POLR1A: variants seen among roughly 807,000 people sequenced by gnomAD.
POLR1A encodes the protein RNA polymerase I subunit A.
A neutral mutation model predicts 205.3 loss-of-function variants in POLR1A; 84 were observed. That is an observed-to-expected ratio of 0.41 (90% CI 0.34 to 0.49). The LOEUF is 0.49. Among genes scored for constraint, POLR1A ranks in the 20% least tolerant of loss-of-function variants. The probability of loss-of-function intolerance (pLI) is 0.22; values close to 1 mark genes in which losing one functional copy is unlikely to be tolerated. For missense variants in POLR1A, 1,645 were observed against 2,204.5 expected (o/e 0.75, Z 5.08); for synonymous variants, 799 against 863.7 (o/e 0.93, Z 1.31).
chr2:86,056,378 G>A (rs1245245064), intron 14 of POLR1A, among the ~76,000 whole-genome samples: 2 of 151,924 alleles, frequency 1.3e-5, no homozygotes, highest in African/African-American at 4.8e-5. Context: ...CTTTAACCAG[G>A]GAATTGGAGG....
intron 6 of POLR1A, among the ~76,000 whole-genome samples, chr2:86,084,341 T>A (rs1233043474): frequency 6.6e-6 from 1 of 151,420 alleles, no homozygotes; most frequent in African/African-American, 2.4e-5. Context: ...CGCTTGAACC[T>A]GAGAGGCAGA....
intron 14 of POLR1A, among the ~76,000 whole-genome samples, chr2:86,061,129 T>C (rs1309538382): frequency 6.6e-6 from 1 of 152,032 alleles, no homozygotes; most frequent in African/African-American, 2.4e-5. Flanking sequence ...CAGCTAAAAT[T>C]AAACAAATAA....
Position 86,038,741 on chromosome 2 carries a change from C to T in POLR1A, c.3993G>A (p.Lys1331=), listed in dbSNP as rs368460389. The change falls in exon 27 of 34, where the codon AAG becomes AAA. Residue 1331 remains lysine (K), a synonymous_variant. Coordinates refer to ENST00000263857, the MANE Select transcript of POLR1A (RefSeq NM_015425.6). The part of the protein sequence containing the change: ...FLPHAYYQQE[K]CLRPEDILRF... The stretch of plus-strand genomic sequence containing the variant: ...GCAGGATGTCCTCGGGTCTCAGGCA[C>T]TTCTCCTGCTGGTAATATGCATGTG... 5.3e-5 allele frequency: 86 copies of T among 1,613,986 alleles called. No homozygotes were observed. Among genetic ancestry groups the T allele is most frequent in the Non-Finnish European group, 7.0e-5 (83 of 1,180,008 alleles).
At position 86,020,397 on chromosome 2, in the gene POLR1A, A is replaced by G. The variant is rs1310165763; in HGVS notation, c.*7026T>C. 6.6e-6 allele frequency: 1 copy of G among 152,018 alleles called. No individual in the cohort carries two copies. The highest frequency in any genetic ancestry group is 1.9e-4 in the East Asian group (1 of 5,200). The allele number at this position is 152,018 out of a possible 1,614,324, so 9.4% of individuals were successfully genotyped here. A position where few individuals can be genotyped will look rare whatever the true frequency, so the allele number is the denominator to read the frequency against. ...CCCCGTCTCTACAAAAAAATTAAAA[A>G]ATTAGCTGGGCATGGTGTTGTGTGC... On this transcript the variant is annotated 3_prime_UTR_variant, in exon 34 of 34. Coordinates refer to ENST00000263857, the MANE Select transcript of POLR1A (RefSeq NM_015425.6).
intron 6 of POLR1A, 136 bp downstream of exon 6, chr2:86,088,429 GC>G: frequency 4.8e-6 from 3 of 624,920 alleles, no homozygotes; most frequent in East Asian, 5.4e-5. Context: ...GGCCTGAGAG[GC>G]CTGCACACTG....
intron 16 of POLR1A, among the ~76,000 whole-genome samples, chr2:86,051,947 C>T (rs1048298515): frequency 4.6e-5 from 7 of 152,212 alleles, no homozygotes; most frequent in Admixed American, 1.3e-4. Context: ...ATGGCCCCAC[C>T]GCAGTGGGAA....
At chr2:86,054,865 G>A (rs756622956) in intron 14 of POLR1A, among the ~76,000 whole-genome samples, 5 of 152,204 alleles carry the variant, frequency 3.3e-5, no homozygotes, top group Non-Finnish European at 5.9e-5. Context: ...CAGAAGGGCC[G>A]AATGCAGGTG....
At chr2:86,046,274 A>AAAAAC (rs1056700046) in intron 19 of POLR1A, among the ~76,000 whole-genome samples, 222 of 152,152 alleles carry the variant, frequency 1.5e-3, no homozygotes, top group African/African-American at 4.5e-3. Flanking sequence ...ATTTTCAATT[A>AAAAAC]AAAACAAAAC....
chr2:86,027,971 C>T lies in POLR1A; in HGVS notation c.4976G>A (p.Arg1659His), dbSNP rs934418773. The change falls in exon 33 of 34, where the codon CGC becomes CAC. Residue 1659 changes from arginine to histidine, a missense_variant. Physicochemically the swap from Arg to His is conservative, Grantham distance 29 (BLOSUM62 0). Coordinates refer to ENST00000263857, the MANE Select transcript of POLR1A (RefSeq NM_015425.6). ...GGAAGAGTTTGACCGGATCCCAAAG[C>T]GATTCAGTGGCTTGTAAACACCCTC... is the stretch of plus-strand genomic sequence containing the variant. ...CFEGVYKPLN[R>H]FGIRSNSSPL... 3 of 1,614,200 alleles carry T rather than the reference C, an allele frequency of 1.9e-6. No individual in the cohort carries two copies. Among genetic ancestry groups the T allele is most frequent in the Non-Finnish European group, 2.5e-6 (3 of 1,180,038 alleles).
chr2:86,066,629 G>A (rs1175030182), intron 13 of POLR1A, among the ~76,000 whole-genome samples: 1 of 152,204 alleles, frequency 6.6e-6, no homozygotes, highest in Non-Finnish European at 1.5e-5. Context: ...GTATGGTCAT[G>A]TTTTATAACT....
intron 1 of POLR1A, among the ~76,000 whole-genome samples, chr2:86,103,745 G>A (rs1253488623): frequency 6.6e-6 from 1 of 152,172 alleles, no homozygotes; most frequent in Non-Finnish European, 1.5e-5. Flanking sequence ...AAGGATAGTG[G>A]AGGAAGACAA....
intron 23 of POLR1A, among the ~76,000 whole-genome samples, chr2:86,042,742 C>A (rs564415730): frequency 8.0e-5 from 12 of 150,900 alleles, no homozygotes; most frequent in African/African-American, 2.0e-4. Flanking sequence ...CACCTGGGAT[C>A]GCGGGGAACC....
intron 13 of POLR1A, among the ~76,000 whole-genome samples, 181 bp downstream of exon 13, chr2:86,069,837 A>G (rs551140338): frequency 2.0e-5 from 3 of 152,336 alleles, no homozygotes; most frequent in Admixed American, 2.0e-4. Flanking sequence ...AAACAGAAAC[A>G]TTTCCCAGCC....
At chr2:86,038,991 G>A (rs1161222797) in intron 26 of POLR1A, 134 bp from the exon 27 acceptor site, 2 of 802,422 alleles carry the variant, frequency 2.5e-6, no homozygotes, top group Non-Finnish European at 4.0e-6. Flanking sequence ...AGAAACCCTG[G>A]TGAGCTATAC....
In POLR1A at chr2:86,049,171, A is replaced by C; in HGVS notation, c.2464T>G (p.Cys822Gly). The change falls in exon 17 of 34, where the codon TGC becomes GGC. Residue 822 changes from cysteine (C) to glycine (G), a missense_variant. Physicochemically the swap from Cys to Gly is radical, Grantham distance 159 (BLOSUM62 -3). This residue lies in a region of POLR1A where 339 missense variants were observed against 415.1 expected (regional missense o/e 0.82). Coordinates refer to ENST00000263857, the MANE Select transcript of POLR1A (RefSeq NM_015425.6). ...RQRIIEESTHCGPQAVRAALN... is the reference protein window; with the variant it reads ...RQRIIEESTHGGPQAVRAALN... ...AAGTCCCTCCTTACCTGGGGCCCGC[A>C]GTGGGTGGATTCTTCAATGATACGT... The C allele has an allele frequency of 6.2e-7, 1 of 1,613,668 alleles. No homozygotes were observed. The highest frequency in any genetic ancestry group is 2.2e-5 in the East Asian group (1 of 44,886).
chr2:86,027,118 C>A lies in POLR1A; in HGVS notation c.*305G>T. ...CAGGACTTCTCCTTAGGGGTTATGC[C>A]ACAGAGGCCTCCTGCAGCACAGGTG... On this transcript the variant is annotated 3_prime_UTR_variant, in exon 34 of 34. Transcript: ENST00000263857. 2.3e-6 allele frequency: 1 copy of A among 436,582 alleles called. No individual in the cohort carries two copies. Among genetic ancestry groups the A allele is most frequent in the Non-Finnish European group, 4.2e-6 (1 of 236,944 alleles). The allele number at this position is 436,582 out of a possible 1,614,324, so 27.0% of individuals were successfully genotyped here.
At chr2:86,061,868 GGGTGCT>G (rs1265171512) in intron 14 of POLR1A, among the ~76,000 whole-genome samples, 2 of 152,108 alleles carry the variant, frequency 1.3e-5, no homozygotes, top group African/African-American at 4.8e-5. Flanking sequence ...GGTCTTCTGG[GGGTGCT>G]GGTGATATGC....
intron 12 of POLR1A, among the ~76,000 whole-genome samples, chr2:86,071,231 T>TGCGCGCGC (rs1178538871): frequency 0.01 from 53 of 5,128 alleles, no homozygotes; most frequent in African/African-American, 0.015. Flanking sequence ...CGTGTGCATG[T>TGCGCGCGC]GTGTGTGTGT....
intron 2 of POLR1A, among the ~76,000 whole-genome samples, chr2:86,099,174 C>A (rs1204166900): frequency 6.6e-6 from 1 of 151,882 alleles, no homozygotes; most frequent in African/African-American, 2.4e-5. Context: ...ACATGATGAA[C>A]CTGTCTCCCG....
Sources: allele counts gnomAD v4.1 joint callset (sites outside exome capture counted in the v4.1 genomes callset), GRCh38; gene constraint gnomAD v4.1.1; regional missense constraint gnomAD v4.1.1; transcripts MANE v1.5; gene names NCBI Gene and HGNC (gene_info 2026-07-23, HGNC 2026-07-21).